The following GTF2IRD1 variants were observed in gnomAD, a reference collection of about 807,000 sequenced individuals.
GTF2IRD1 encodes general transcription factor II-I repeat domain-containing protein 1.
In GTF2IRD1, 26 loss-of-function variants were observed where a neutral mutation model predicts 113.2. That is an observed-to-expected ratio of 0.23 (90% CI 0.17 to 0.32). The LOEUF is 0.32. Ranked by LOEUF, GTF2IRD1 falls within the 10% of genes least tolerant of loss-of-function variation. The pLI, the probability that GTF2IRD1 is intolerant of heterozygous loss-of-function variation, is 1.00. For synonymous variants in GTF2IRD1, 484 were observed against 529.1 expected (o/e 0.91, Z 1.17); for missense variants, 864 against 1,280.8 (o/e 0.67, Z 4.97).
At chr7:74,595,124 AC>A in intron 25 of GTF2IRD1, 73 bp downstream of exon 25, 1 of 1,105,770 alleles carries the variant, frequency 9.0e-7, no homozygotes, top group Admixed American at 2.0e-5. Context: ...AAAAAGGTAG[AC>A]CCGGGCGCAG....
At chr7:74,468,432 C>T (rs377321039) in intron 1 of GTF2IRD1, among the ~76,000 whole-genome samples, 20 of 149,880 alleles carry the variant, frequency 1.3e-4, no homozygotes, top group Middle Eastern at 3.6e-3. Context: ...GGCTGAGACG[C>T]GCAGATCACA....
At chr7:74,569,110 G>A (rs1300338843) in intron 22 of GTF2IRD1, among the ~76,000 whole-genome samples, 9 of 152,268 alleles carry the variant, frequency 5.9e-5, no homozygotes, top group African/African-American at 1.9e-4. Context: ...TCCCCTCCCA[G>A]AAGTAGCTCA....
intron 22 of GTF2IRD1, among the ~76,000 whole-genome samples, chr7:74,569,693 G>A (rs1800572515): frequency 1.3e-5 from 2 of 152,220 alleles, no homozygotes; most frequent in South Asian, 4.1e-4. Context: ...AAGCCAGGGA[G>A]TGTTGAGAAG....
intron 9 of GTF2IRD1, among the ~76,000 whole-genome samples, chr7:74,532,418 G>A (rs1386907898): frequency 6.6e-6 from 1 of 152,140 alleles, no homozygotes; most frequent in African/African-American, 2.4e-5. Context: ...GCCAGGCCTG[G>A]TGGTATGCAC....
intron 1 of GTF2IRD1, among the ~76,000 whole-genome samples, chr7:74,496,486 T>G (rs1245620082): frequency 2.2e-5 from 2 of 92,510 alleles, no homozygotes; most frequent in African/African-American, 8.1e-5. Flanking sequence ...TGTGCACGTA[T>G]GTGTGTGTGT....
chr7:74,501,402 T>C (rs920245259), intron 1 of GTF2IRD1, among the ~76,000 whole-genome samples: 15 of 152,204 alleles, frequency 9.9e-5, no homozygotes, highest in African/African-American at 3.6e-4. Flanking sequence ...CTTGTGAGAA[T>C]TAAACTGGTC....
Position 74,557,738 on chromosome 7 carries a change from C to T in GTF2IRD1, c.2107+16C>T. On this transcript the variant is annotated intron_variant, in intron 20 of 26. Transcript: ENST00000424337. ...AAGAAATACGGTAAGCAGTGCAGAA[C>T]CCCCGGGGAGGGACACGCAGCTGCT... 1 of 1,530,370 alleles carries T rather than the reference C, an allele frequency of 6.5e-7. No individual in the cohort carries two copies. The highest frequency in any genetic ancestry group is 9.0e-7 in the Non-Finnish European group (1 of 1,106,122). The allele number at this position is 1,530,370 out of a possible 1,614,324, so 94.8% of individuals were successfully genotyped here. A position where few individuals can be genotyped will look rare whatever the true frequency, so the allele number is the denominator to read the frequency against.
chr7:74,556,780 T>TCC (rs1799625344), intron 19 of GTF2IRD1, among the ~76,000 whole-genome samples: 1 of 126,970 alleles, frequency 7.9e-6, no homozygotes, highest in African/African-American at 2.9e-5. Flanking sequence ...CGCACCACCA[T>TCC]GCCTGGCTAA....
rs1156997912 is a variant in GTF2IRD1, at chr7:74,555,753, C to G, written c.2023+259C>G. On this transcript the variant is annotated intron_variant, in intron 19 of 26. Transcript: ENST00000424337. The surrounding 1 kb of genome is among the most constrained non-coding windows in gnomAD (Gnocchi z 5.3). ...TGCCTGCCCCCTCCCTGCCCCACCC[C>G]CCAGAGGTAGCTGACACGCCCACTC... Among the ~76,000 whole-genome samples the G allele has an allele frequency of 3.3e-5, 5 of 152,188 alleles. No homozygotes were observed. The highest frequency in any genetic ancestry group is 1.2e-4 in the African/African-American group (5 of 41,436).
chr7:74,537,380 T>C (rs587697273), intron 11 of GTF2IRD1, among the ~76,000 whole-genome samples: 9 of 150,550 alleles, frequency 6.0e-5, no homozygotes, highest in Admixed American at 2.7e-4. Context: ...GCCACTGCAC[T>C]CCAGCCTGGG....
chr7:74,550,582 G>A (rs1178181296), intron 17 of GTF2IRD1, among the ~76,000 whole-genome samples: 15 of 151,676 alleles, frequency 9.9e-5, no homozygotes, highest in Non-Finnish European at 2.1e-4. Context: ...GTAAGACCCT[G>A]TCTCGAAAAT....
chr7:74,481,743 A>C (rs1794752626), intron 1 of GTF2IRD1, among the ~76,000 whole-genome samples: 1 of 152,180 alleles, frequency 6.6e-6, no homozygotes, highest in Non-Finnish European at 1.5e-5. Flanking sequence ...TACCAAGTGA[A>C]AGCTTTGGGG....
At chr7:74,571,021 C>T (rs1253027266) in intron 22 of GTF2IRD1, 4 of 845,960 alleles carry the variant, frequency 4.7e-6, no homozygotes, top group South Asian at 5.4e-5. Context: ...GGCCAGCTTC[C>T]GCTCCTTTTA....
chr7:74,597,240 C>T (rs1554372580), intron 25 of GTF2IRD1, among the ~76,000 whole-genome samples: 1 of 151,722 alleles, frequency 6.6e-6, no homozygotes, highest in African/African-American at 2.4e-5. Flanking sequence ...GACGGGGTTT[C>T]TCCATATTGG....
At chr7:74,511,162 T>C (rs782332982) in intron 2 of GTF2IRD1, among the ~76,000 whole-genome samples, 1 of 151,874 alleles carries the variant, frequency 6.6e-6, no homozygotes, top group Non-Finnish European at 1.5e-5. Context: ...CAAGACAGGC[T>C]CCCCCGTCCC....
chr7:74,479,944 G>C (rs1167403309), intron 1 of GTF2IRD1, among the ~76,000 whole-genome samples: 2 of 151,368 alleles, frequency 1.3e-5, no homozygotes, highest in East Asian at 3.9e-4. Context: ...ACGGGGTTTT[G>C]CCATGTTGGC....
intron 1 of GTF2IRD1, among the ~76,000 whole-genome samples, chr7:74,505,589 C>G (rs373912580): frequency 6.6e-6 from 1 of 152,188 alleles, no homozygotes. Flanking sequence ...CTGGGGCAGC[C>G]GGGGGGCCAG....
intron 1 of GTF2IRD1, among the ~76,000 whole-genome samples, chr7:74,461,770 G>A (rs1287501911): frequency 6.6e-6 from 1 of 152,082 alleles, no homozygotes; most frequent in Non-Finnish European, 1.5e-5. Context: ...GTAGAGATGG[G>A]GTTTTGCCAT....
At chr7:74,519,019 C>A (rs1196505204) in intron 5 of GTF2IRD1, among the ~76,000 whole-genome samples, 3 of 152,140 alleles carry the variant, frequency 2.0e-5, no homozygotes, top group Non-Finnish European at 4.4e-5. Flanking sequence ...TGAGGCAGTA[C>A]CAGTTGTCAG....
Sources: gnomAD v4.1 joint callset for allele counts (sites outside exome capture counted in the v4.1 genomes callset) on GRCh38, gnomAD v4.1.1 for gene constraint, Gnocchi (gnomAD v3.1) non-coding constraint, MANE v1.5 for transcripts, NCBI Gene and HGNC (gene_info 2026-07-23, HGNC 2026-07-21) for gene names.